CCNJL: variants seen among roughly 807,000 people sequenced by gnomAD.
CCNJL encodes the protein cyclin J like.
CCNJL carries 33 observed loss-of-function variants against 33.4 expected under a neutral mutation model. That is an observed-to-expected ratio of 0.99 (90% confidence interval 0.75 to 1.32). The LOEUF is 1.32. Among genes scored for constraint, CCNJL ranks in the 40% most tolerant of loss-of-function variants. The pLI is 0.00. For synonymous variants in CCNJL, 227 were observed against 220.9 expected (o/e 1.03, Z -0.24); for missense variants, 512 against 499.7 (o/e 1.02, Z -0.23).
rs548071845 is a variant in CCNJL, at chr5:160,332,214, C to T, written n.206+7231G>A. On this transcript the variant is annotated intron_variant and non_coding_transcript_variant, in intron 1 of 7. Transcript: ENST00000377503. Reference sequence around the variant, plus strand: ...ACCACACCTCTGCCTCCTCTTACTGCACCTGTACCCACACATGCTGCCTGC... The same window carrying T: ...ACCACACCTCTGCCTCCTCTTACTGTACCTGTACCCACACATGCTGCCTGC... Among the ~76,000 whole-genome samples, 22 of 152,282 alleles carry T rather than the reference C, an allele frequency of 1.4e-4. No homozygotes were observed. In the South Asian group the frequency reaches 4.6e-3, roughly 32 times the overall value.
At chr5:160,263,138 A>G (rs185905234) in intron 3 of CCNJL, among the ~76,000 whole-genome samples, 13 of 152,340 alleles carry the variant, frequency 8.5e-5, no homozygotes, top group Admixed American at 3.9e-4. Flanking sequence ...ACCCTGATCC[A>G]TGTGTGCTCT....
chr5:160,313,192 C>T (rs1469870979), upstream of CCNJL, among the ~76,000 whole-genome samples: 1 of 152,136 alleles, frequency 6.6e-6, no homozygotes, highest in Admixed American at 6.5e-5. Flanking sequence ...AAAACATTGT[C>T]TTTTTAATTC....
chr5:160,318,532 G>A (rs917004037), intron 1 of CCNJL, among the ~76,000 whole-genome samples: 2 of 152,226 alleles, frequency 1.3e-5, no homozygotes, highest in African/African-American at 4.8e-5. Context: ...GAATGACCGG[G>A]GAACCCTATC....
At chr5:160,307,111 A>G (rs1237559205) in intron 2 of CCNJL, among the ~76,000 whole-genome samples, 2 of 152,228 alleles carry the variant, frequency 1.3e-5, no homozygotes, top group Non-Finnish European at 2.9e-5. Flanking sequence ...GCACACAAGC[A>G]TTCATTCAAC....
At chr5:160,288,754 C>T (rs888651699) in intron 2 of CCNJL, among the ~76,000 whole-genome samples, 5 of 148,720 alleles carry the variant, frequency 3.4e-5, no homozygotes, top group East Asian at 2.0e-4. Context: ...GGCATGAACC[C>T]GGGGGGGCGG....
intron 1 of CCNJL, among the ~76,000 whole-genome samples, chr5:160,328,631 T>C (rs1315985942): frequency 6.7e-6 from 1 of 150,086 alleles, no homozygotes; most frequent in Admixed American, 6.7e-5. Context: ...CTTACTCCTG[T>C]AATCCCAGCT....
intron 1 of CCNJL, 48 bp downstream of exon 1, chr5:160,312,316 C>T (rs1348808888): frequency 1.1e-5 from 3 of 282,166 alleles, no homozygotes; most frequent in Non-Finnish European, 2.0e-5. Flanking sequence ...CGCCGCCCAG[C>T]CTTTGTCCTG....
intron 5 of CCNJL, chr5:160,254,168 T>C (rs1010167310): frequency 2.1e-6 from 1 of 483,962 alleles, no homozygotes; most frequent in Non-Finnish European, 3.6e-6. Flanking sequence ...TGCTCACCAA[T>C]GCCTTCCCAT....
rs1262252306 is a variant in CCNJL at position 160,251,115 on chromosome 5, G to A, written c.*2263C>T. ...TAGATGTGATTAACATTTACAATCA[G>A]TTGACTTTAAGAAAAGCCTCCATAA... On this transcript the variant is annotated 3_prime_UTR_variant, in exon 6 of 6. Coordinates refer to ENST00000257536, the MANE Select transcript of CCNJL (RefSeq NM_001308173.3). The A allele has an allele frequency of 6.6e-6, 1 of 152,232 alleles. No individual in the cohort carries two copies. The highest frequency in any genetic ancestry group is 6.5e-5 in the Admixed American group (1 of 15,286). 9.4% of individuals were successfully genotyped at this position (152,232 alleles called of 1,614,324 possible). A position where few individuals can be genotyped will look rare whatever the true frequency, so the allele number is the denominator to read the frequency against.
intron 1 of CCNJL, among the ~76,000 whole-genome samples, chr5:160,324,981 T>C (rs773428476): frequency 6.6e-6 from 1 of 152,218 alleles, no homozygotes; most frequent in Non-Finnish European, 1.5e-5. Flanking sequence ...GTACTTGGTG[T>C]GTGTGCTCAT....
intron 3 of CCNJL, among the ~76,000 whole-genome samples, chr5:160,266,446 G>C (rs1032616206): frequency 3.3e-5 from 5 of 152,226 alleles, no homozygotes; most frequent in African/African-American, 9.6e-5. Context: ...GGTGTGACCA[G>C]GGACAGCCAG....
intron 3 of CCNJL, among the ~76,000 whole-genome samples, chr5:160,277,219 C>T (rs995722722): frequency 1.3e-5 from 2 of 152,184 alleles, no homozygotes; most frequent in Non-Finnish European, 1.5e-5. Context: ...GGTGACAGCA[C>T]GACCGCATAG....
rs1763271532 is a variant in CCNJL, at chr5:160,311,881, C to G, written c.43G>C (p.Val15Leu). The G allele has an allele frequency of 3.7e-6, 6 of 1,614,048 alleles. No individual in the cohort carries two copies. Among genetic ancestry groups the G allele is most frequent in the Non-Finnish European group, 5.1e-6 (6 of 1,179,986 alleles). ...ACCTTCTCGCGCAGGGTGCAGTGGA[C>G]GTCCGAGGCGACGCGCCCTTCCCAC... ...PWWEGRVASD[V>L]HCTLREKELK... The change falls in exon 2 of 6, where the codon GTC becomes CTC. Residue 15 changes from valine (V) to leucine (L), a missense_variant. Val to Leu is a conservative substitution (Grantham distance 32). Transcript: ENST00000257536.
chr5:160,334,098 C>A (rs1458858683), intron 1 of CCNJL, among the ~76,000 whole-genome samples: 1 of 152,300 alleles, frequency 6.6e-6, no homozygotes, highest in Non-Finnish European at 1.5e-5. Flanking sequence ...CTGTGACCAA[C>A]AACACTGTCT....
rs779603501 is a variant in CCNJL, at chr5:160,253,613, C to T, written c.929G>A (p.Arg310Gln). 4.3e-5 allele frequency: 69 copies of T among 1,613,326 alleles called. No homozygotes were observed. The African/African-American group carries it at 4.8e-4, about 11-fold the overall frequency. Residue 310 changes from arginine (R) to glutamine (Q), a missense_variant, in exon 6 of 6, where the codon CGG becomes CAG. Coordinates refer to ENST00000257536, the MANE Select transcript of CCNJL (RefSeq NM_001308173.3). Reference sequence around the variant, plus strand: ...TGAACGGTGGGCCTGCAAGGAGTCCCGATAGGCCAAGCATAGGTCCTGCAC... The same window carrying T: ...TGAACGGTGGGCCTGCAAGGAGTCCTGATAGGCCAAGCATAGGTCCTGCAC... ...TPVQDLCLAYRDSLQAHRSGS... is the reference protein window; with the variant it reads ...TPVQDLCLAYQDSLQAHRSGS...
At chr5:160,319,257 A>C (rs547258810) in intron 1 of CCNJL, among the ~76,000 whole-genome samples, 2 of 152,272 alleles carry the variant, frequency 1.3e-5, no homozygotes, top group South Asian at 2.1e-4. Context: ...CTGGGACTAC[A>C]AGCAAGGGTC....
At chr5:160,280,395 A>G (rs769121414) in intron 3 of CCNJL, 130 bp downstream of exon 3, 3 of 730,028 alleles carry the variant, frequency 4.1e-6, no homozygotes, top group Non-Finnish European at 6.9e-6. Flanking sequence ...ATGCTAAAAA[A>G]CGCTCAGTGA....
chr5:160,288,027 AGGCATGGACAGAT>A (rs1433557091), intron 2 of CCNJL, among the ~76,000 whole-genome samples: 1 of 152,154 alleles, frequency 6.6e-6, no homozygotes, highest in Non-Finnish European at 1.5e-5. Flanking sequence ...GAACAGGTGG[AGGCATGGACAGAT>A]GGCCATGGTG....
intron 2 of CCNJL, among the ~76,000 whole-genome samples, chr5:160,291,316 C>T (rs1580993173): frequency 6.6e-6 from 1 of 152,158 alleles, no homozygotes; most frequent in East Asian, 2.0e-4. Context: ...GCACACTAGT[C>T]CCAAGATATG....
Sources: gnomAD v4.1 joint callset for allele counts (sites outside exome capture counted in the v4.1 genomes callset) on GRCh38, gnomAD v4.1.1 for gene constraint, MANE v1.5 for transcripts, NCBI Gene and HGNC (gene_info 2026-07-23, HGNC 2026-07-21) for gene names.